ABLIM1: variants seen among roughly 807,000 people sequenced by gnomAD.
ABLIM1 encodes actin binding LIM protein 1.
ABLIM1 carries 40 observed loss-of-function variants against 107.0 expected under a neutral mutation model. The observed-to-expected ratio is 0.37, with a 90% CI of 0.29 to 0.49. The LOEUF (loss-of-function observed/expected upper bound fraction) is 0.49. Among genes scored for constraint, ABLIM1 ranks in the 20% least tolerant of loss-of-function variants. The pLI is 0.97. For missense variants in ABLIM1, 857 were observed against 1,008.5 expected, an observed-to-expected ratio of 0.85 and a Z score of 2.04; for synonymous variants, 357 against 357.3, an observed-to-expected ratio of 1.00 and a Z score of 0.01.
intron 8 of ABLIM1, among the ~76,000 whole-genome samples, chr10:114,483,495 T>G (rs946511763): frequency 2.6e-5 from 4 of 152,154 alleles, no homozygotes; most frequent in Admixed American, 2.6e-4. Flanking sequence ...CAGGCTGGTC[T>G]CAAACTCCTG....
At chr10:114,663,824 C>T (rs527337767) in intron 1 of ABLIM1, among the ~76,000 whole-genome samples, 1 of 152,340 alleles carries the variant, frequency 6.6e-6, no homozygotes, top group African/African-American at 2.4e-5. Flanking sequence ...CCAGCATCAG[C>T]ATTTCTCTGC....
At chr10:114,761,315 T>G (rs1415690108) in intron 1 of ABLIM1, among the ~76,000 whole-genome samples, 1 of 149,430 alleles carries the variant, frequency 6.7e-6, no homozygotes, top group Non-Finnish European at 1.5e-5. Context: ...TCCGCCCACA[T>G]TCTAACCTTG....
intron 6 of ABLIM1, among the ~76,000 whole-genome samples, chr10:114,541,356 A>G (rs1033839759): frequency 1.1e-4 from 17 of 152,208 alleles, no homozygotes; most frequent in African/African-American, 3.9e-4. Flanking sequence ...TTGTAAAGGG[A>G]TAAAATAAAT....
rs541494017 is a variant in ABLIM1 at position 114,576,574 on chromosome 10, C to T, written c.380-975G>A. 9.9e-5 allele frequency among the ~76,000 whole-genome samples: 15 copies of T among 152,218 alleles called. No individual in the cohort carries two copies. The East Asian group carries it at 2.3e-3, about 24-fold the overall frequency. On this transcript the variant is annotated intron_variant, in intron 2 of 22. Coordinates refer to ENST00000533213, the MANE Select transcript of ABLIM1 (RefSeq NM_002313.7). ...TAAATTGCTTTCCTAAGGACCTGCT[C>T]GAATGCTCCCAGGGTTCATCTGCTG...
chr10:114,498,918 T>TTC (rs1200462543), intron 6 of ABLIM1, among the ~76,000 whole-genome samples: 1 of 152,166 alleles, frequency 6.6e-6, no homozygotes, highest in African/African-American at 2.4e-5. Flanking sequence ...TGGGCTGAAG[T>TTC]TCTATAAGGT....
At chr10:114,654,764 A>G (rs369081665) in intron 1 of ABLIM1, among the ~76,000 whole-genome samples, 1 of 152,172 alleles carries the variant, frequency 6.6e-6, no homozygotes, top group Non-Finnish European at 1.5e-5. Context: ...GGGGAATCTG[A>G]GCCTCCTCTT....
intron 1 of ABLIM1, chr10:114,632,651 T>C (rs927922736): frequency 2.0e-6 from 2 of 985,324 alleles, no homozygotes; most frequent in African/African-American, 3.5e-5. Context: ...GAAGAGGATC[T>C]TTCAGGATTC....
At chr10:114,482,509 C>A (rs2145896) in intron 8 of ABLIM1, among the ~76,000 whole-genome samples, 84,097 of 151,970 alleles carry the variant, frequency 0.55, 24,336 homozygotes, top group African/African-American at 0.74. Context: ...TAAAAGATAA[C>A]ATATCTGTGA....
intron 1 of ABLIM1, among the ~76,000 whole-genome samples, chr10:114,634,428 G>A (rs1409665807): frequency 6.6e-6 from 1 of 151,922 alleles, no homozygotes; most frequent in Non-Finnish European, 1.5e-5. Context: ...CACCGCGCCC[G>A]GCCTCAATTT....
At chr10:114,510,327 G>C (rs559510678) in intron 6 of ABLIM1, among the ~76,000 whole-genome samples, 2 of 150,634 alleles carry the variant, frequency 1.3e-5, no homozygotes, top group East Asian at 3.9e-4. Flanking sequence ...GCCTTCTCCA[G>C]CTCCCCTGGA....
At chr10:114,768,595 G>A (rs576872500), upstream of ABLIM1, among the ~76,000 whole-genome samples, 16 of 152,210 alleles carry the variant, frequency 1.1e-4, no homozygotes, top group East Asian at 2.5e-3. Flanking sequence ...TCAGCCCGCA[G>A]TCCACACGCG....
intron 1 of ABLIM1, among the ~76,000 whole-genome samples, chr10:114,733,421 C>T (rs1202361512): frequency 6.6e-6 from 1 of 152,054 alleles, no homozygotes; most frequent in East Asian, 1.9e-4. Context: ...AATGCTGTAC[C>T]CCGAGCAAAA....
intron 1 of ABLIM1, among the ~76,000 whole-genome samples, chr10:114,703,255 T>G (rs2081342006): frequency 6.6e-6 from 1 of 152,210 alleles, no homozygotes. Context: ...ATCAAAAGAA[T>G]TTTAGTTACC....
At chr10:114,442,836 C>T (rs2060388315) in intron 17 of ABLIM1, among the ~76,000 whole-genome samples, 1 of 113,734 alleles carries the variant, frequency 8.8e-6, no homozygotes, top group Non-Finnish European at 1.7e-5. Flanking sequence ...ATGGAGTGAA[C>T]ATTAAATGCA....
intron 6 of ABLIM1, 27 bp downstream of exon 6, chr10:114,544,978 C>G: frequency 6.2e-7 from 1 of 1,606,498 alleles, no homozygotes; most frequent in Non-Finnish European, 8.5e-7. Context: ...ATGGCGGTAG[C>G]TATGAGGGAG....
chr10:114,725,537 A>C (rs990468360), intron 1 of ABLIM1, among the ~76,000 whole-genome samples: 4 of 152,128 alleles, frequency 2.6e-5, no homozygotes, highest in African/African-American at 9.7e-5. Flanking sequence ...TTGGGAAATG[A>C]AGTGTATTTC....
At chr10:114,702,994 C>A (rs962754290) in intron 1 of ABLIM1, among the ~76,000 whole-genome samples, 2 of 151,990 alleles carry the variant, frequency 1.3e-5, no homozygotes, top group African/African-American at 4.8e-5. Context: ...ACCACTGTCC[C>A]TTTTAAATAC....
At chr10:114,537,083 G>T (rs1045327189) in intron 6 of ABLIM1, among the ~76,000 whole-genome samples, 1 of 152,152 alleles carries the variant, frequency 6.6e-6, no homozygotes, top group Non-Finnish European at 1.5e-5. Flanking sequence ...CATCCACCAG[G>T]AATGGTAACT....
Position 114,472,970 on chromosome 10 carries a change from G to A in ABLIM1, c.1275+7C>T. 2.5e-6 allele frequency: 4 copies of A among 1,575,036 alleles called. No homozygotes were observed. The highest frequency in any genetic ancestry group is 3.5e-6 in the Non-Finnish European group (4 of 1,158,850). On this transcript the variant is annotated splice_region_variant and intron_variant, in intron 10 of 22. Transcript: ENST00000533213. ...TGTACAACTCACAACCAGTAGGAAT[G>A]TATTACCTCTCCAAGGCTCTGTCTC...
Sources: gnomAD v4.1 joint callset for allele counts (sites outside exome capture counted in the v4.1 genomes callset) on GRCh38, gnomAD v4.1.1 for gene constraint, MANE v1.5 for transcripts, NCBI Gene and HGNC (gene_info 2026-07-23, HGNC 2026-07-21) for gene names.